KIFBP: variants seen among roughly 807,000 people sequenced by gnomAD.
KIFBP encodes kinesin family binding protein, also known as KIF-binding protein.
In KIFBP, 46 loss-of-function variants were observed where a neutral mutation model predicts 58.9. That is an observed-to-expected ratio of 0.78 (90% confidence interval 0.62 to 1.00). The LOEUF is 1.00. KIFBP is among the 50% of genes least tolerant of loss of function. The pLI is 0.00. For synonymous variants in KIFBP, 241 were observed against 283.4 expected, an observed-to-expected ratio of 0.85 and a Z score of 1.50; for missense variants, 651 against 752.9, an observed-to-expected ratio of 0.86 and a Z score of 1.58.
intron 2 of KIFBP, among the ~76,000 whole-genome samples, chr10:69,004,587 G>A (rs934378237): frequency 6.6e-6 from 1 of 152,058 alleles, no homozygotes; most frequent in Non-Finnish European, 1.5e-5. Flanking sequence ...GTTGAGGCGG[G>A]TGCAGTGGCT....
At chr10:69,004,169 G>A (rs919192081) in intron 2 of KIFBP, among the ~76,000 whole-genome samples, 31 of 144,716 alleles carry the variant, frequency 2.1e-4, no homozygotes, top group Non-Finnish European at 4.2e-4. Flanking sequence ...GCAGTGAGCC[G>A]AGATCGCACC....
chr10:69,001,344 C>T (rs1049643051), intron 2 of KIFBP, among the ~76,000 whole-genome samples: 1 of 152,114 alleles, frequency 6.6e-6, no homozygotes, highest in African/African-American at 2.4e-5. Flanking sequence ...GCAAAGGTGA[C>T]AAGCCACTGT....
intron 3 of KIFBP, 128 bp downstream of exon 3, chr10:69,005,253 T>G: frequency 1.4e-6 from 1 of 716,758 alleles, no homozygotes; most frequent in Non-Finnish European, 2.5e-6. Flanking sequence ...CATTTACCAC[T>G]TACTTGTTAT....
At chr10:69,010,775 C>T in intron 5 of KIFBP, 125 bp from the exon 6 acceptor site, 1 of 696,972 alleles carries the variant, frequency 1.4e-6, no homozygotes, top group East Asian at 2.7e-5. Flanking sequence ...TTTCCCCAAG[C>T]CCCCTGCTTC....
chr10:68,994,167 C>G (rs1042230092), intron 1 of KIFBP, among the ~76,000 whole-genome samples: 2 of 150,660 alleles, frequency 1.3e-5, no homozygotes, highest in African/African-American at 2.4e-5. Context: ...GCCTGGGTGA[C>G]AGAGTAAGAC....
intron 2 of KIFBP, among the ~76,000 whole-genome samples, chr10:69,001,117 A>G (rs1311061775): frequency 1.3e-5 from 2 of 152,002 alleles, no homozygotes; most frequent in African/African-American, 4.8e-5. Context: ...TGGTTTTTCA[A>G]TGATTTTTTT....
intron 4 of KIFBP, chr10:69,006,978 A>G (rs2132114308): frequency 6.6e-6 from 1 of 152,356 alleles, no homozygotes; most frequent in South Asian, 2.1e-4. Flanking sequence ...ACTAATTCTC[A>G]TGAATCCATT....
At position 68,989,021 on chromosome 10, in the gene KIFBP, C is replaced by T. The variant is rs1843309643; in HGVS notation, c.189C>T (p.Ala63=). Residue 63 remains alanine, a synonymous_variant, in exon 1 of 7, where the codon GCC becomes GCT. Transcript: ENST00000361983. ...AGGACGAGGATGAGCGGCCTGAGGC[C>T]GAGGACGGCCCGGGTGCCGGTGACC... ...APEDEDERPE[A]EDGPGAGDHA... 2 of 1,613,910 alleles carry T rather than the reference C, an allele frequency of 1.2e-6. No homozygotes were observed. The highest frequency in any genetic ancestry group is 2.2e-5 in the South Asian group (2 of 91,076).
rs1173786717 is a variant in KIFBP, at chr10:69,016,619, G to A, written c.*203G>A. The stretch of plus-strand genomic sequence containing the variant: ...TACACCTAATTATGTAAATTGCCTT[G>A]TTAAAGACATGTGATTTGTATTTTA... On this transcript the variant is annotated 3_prime_UTR_variant, in exon 7 of 7. Coordinates refer to ENST00000361983, the MANE Select transcript of KIFBP (RefSeq NM_015634.4). The A allele has an allele frequency of 1.1e-5, 6 of 555,478 alleles. No homozygotes were observed. Among genetic ancestry groups the A allele is most frequent in the Non-Finnish European group, 1.9e-5 (6 of 315,378 alleles). 34.4% of individuals were successfully genotyped at this position (555,478 alleles called of 1,614,324 possible). A position where few individuals can be genotyped will look rare whatever the true frequency, so the allele number is the denominator to read the frequency against.
At chr10:69,012,237 A>G (rs1843602827) in intron 6 of KIFBP, among the ~76,000 whole-genome samples, 1 of 152,118 alleles carries the variant, frequency 6.6e-6, no homozygotes, top group African/African-American at 2.4e-5. Context: ...TTTCCTCACA[A>G]GTAAGTTGGA....
At chr10:69,002,411 G>C (rs1843477590) in intron 2 of KIFBP, among the ~76,000 whole-genome samples, 1 of 151,896 alleles carries the variant, frequency 6.6e-6, no homozygotes. Flanking sequence ...GCCCACCTCA[G>C]CCTCCCAAAG....
chr10:69,002,431 T>C (rs1290345598), intron 2 of KIFBP, among the ~76,000 whole-genome samples: 1 of 151,990 alleles, frequency 6.6e-6, no homozygotes, highest in Non-Finnish European at 1.5e-5. Context: ...GTGCTGGGAT[T>C]ACAGGCATAA....
At position 69,005,835 on chromosome 10, in the gene KIFBP, C is replaced by T. The variant is rs752833136; in HGVS notation, c.709C>T (p.Arg237Cys). The change falls in exon 4 of 7, where the codon CGC (arginine) becomes TGC (cysteine). Residue 237 changes from arginine (R) to cysteine (C), a missense_variant. By Grantham distance (180) the Arg-to-Cys change is radical. Coordinates refer to ENST00000361983, the MANE Select transcript of KIFBP (RefSeq NM_015634.4). ...AAHYCHSTLK[R>C]QLEHNAYHPI... is the part of the protein sequence containing the mutation. ...TCACTATTGCCATAGTACACTAAAA[C>T]GCCAGCTTGAGCACAATGCCTACCA... The T allele has an allele frequency of 1.7e-5, 27 of 1,613,994 alleles. No individual in the cohort carries two copies. Among genetic ancestry groups the T allele is most frequent in the Non-Finnish European group, 2.1e-5 (25 of 1,180,006 alleles).
chr10:69,008,387 A>ATATAT (rs1554843393), intron 4 of KIFBP, among the ~76,000 whole-genome samples: 11 of 60,136 alleles, frequency 1.8e-4, no homozygotes, highest in Non-Finnish European at 3.6e-4. Context: ...TAAAAAAAAA[A>ATATAT]AAAAATATAT....
At chr10:69,012,139 T>C (rs2256982) in intron 6 of KIFBP, among the ~76,000 whole-genome samples, 112,001 of 152,074 alleles carry the variant, frequency 0.74, 41,627 homozygotes, top group African/African-American at 0.79. Context: ...AGCATGGACT[T>C]GAAATACACT....
At position 68,989,273 on chromosome 10, in the gene KIFBP, G is replaced by C; in HGVS notation, c.426+15G>C. On this transcript the variant is annotated intron_variant, in intron 1 of 6. Transcript: ENST00000361983. ...TCCAGGCGCAGGTGAGAGCGAGCCC[G>C]GCCAGGCCGGCCCCTGTTGGCAAAT... 1 of 1,611,050 alleles carries C rather than the reference G, an allele frequency of 6.2e-7. No individual in the cohort carries two copies. The highest frequency in any genetic ancestry group is 8.5e-7 in the Non-Finnish European group (1 of 1,179,488).
intron 1 of KIFBP, chr10:68,995,246 C>G (rs540045403): frequency 2.0e-5 from 3 of 152,226 alleles, no homozygotes; most frequent in African/African-American, 7.2e-5. Context: ...AGTGATTCGC[C>G]TGCGTTGGCC....
Position 68,988,927 on chromosome 10 carries a change from C to T in KIFBP, c.95C>T (p.Pro32Leu), listed in dbSNP as rs1843308299. 1.2e-6 allele frequency: 2 copies of T among 1,614,256 alleles called. No individual in the cohort carries two copies. The highest frequency in any genetic ancestry group is 8.5e-7 in the Non-Finnish European group (1 of 1,180,050). Residue 32 changes from proline to leucine, a missense_variant, in exon 1 of 7, where the codon CCA becomes CTA. Transcript: ENST00000361983. ...CTGCATAAAAATCCGGAGAAGGAAC[C>T]ATACAAGTCCAAATACAGCGCCCGG... ...VELHKNPEKE[P>L]YKSKYSARAL...
chr10:69,008,375 C>T (rs116097437), intron 4 of KIFBP, among the ~76,000 whole-genome samples: 7,181 of 47,450 alleles, frequency 0.15, 340 homozygotes, highest in African/African-American at 0.34. Context: ...ACCCCTGTCT[C>T]GTAAAAAAAA....
Sources: allele counts gnomAD v4.1 joint callset (sites outside exome capture counted in the v4.1 genomes callset), GRCh38; gene constraint gnomAD v4.1.1; transcripts MANE v1.5; gene names NCBI Gene and HGNC (gene_info 2026-07-23, HGNC 2026-07-21).